MAP4K3: variants seen among roughly 807,000 people sequenced by gnomAD.
The protein encoded by MAP4K3 is MAPK/ERK kinase kinase kinase 3.
Under a neutral mutation model 143.5 loss-of-function variants are expected in MAP4K3, and 94 were observed. The observed-to-expected ratio is 0.65, with a 90% CI of 0.55 to 0.78. The LOEUF is 0.78. MAP4K3 is among the 30% of genes least tolerant of loss of function. The pLI, the probability that MAP4K3 is intolerant of heterozygous loss-of-function variation, is 0.00. For synonymous variants in MAP4K3, 416 were observed against 347.2 expected (o/e 1.20, Z -2.20); for missense variants, 1,077 against 1,068.1 (o/e 1.01, Z -0.12).
At chr2:39,305,990 A>G (rs896182499) in intron 15 of MAP4K3, among the ~76,000 whole-genome samples, 1 of 152,016 alleles carries the variant, frequency 6.6e-6, no homozygotes. Flanking sequence ...CACCATGCCT[A>G]GCTAATTTTT....
intron 22 of MAP4K3, 98 bp from the exon 23 acceptor site, chr2:39,280,454 G>C (rs1334115315): frequency 3.9e-6 from 2 of 512,616 alleles, no homozygotes; most frequent in Non-Finnish European, 6.7e-6. Context: ...AGAGTCTATA[G>C]ATAGTATACT....
At chr2:39,428,037 CTCTT>C (rs1558352564) in intron 1 of MAP4K3, among the ~76,000 whole-genome samples, 2 of 152,226 alleles carry the variant, frequency 1.3e-5, no homozygotes. Flanking sequence ...TCAAGATTCA[CTCTT>C]TCAGGAAGTC....
chr2:39,292,420 AC>A (rs984803764), intron 18 of MAP4K3, among the ~76,000 whole-genome samples: 24 of 152,144 alleles, frequency 1.6e-4, no homozygotes, highest in African/African-American at 5.8e-4. Flanking sequence ...GATCACTCTT[AC>A]CCCTGATCCC....
intron 15 of MAP4K3, among the ~76,000 whole-genome samples, chr2:39,303,504 T>G (rs1472093305): frequency 6.6e-6 from 1 of 152,132 alleles, no homozygotes; most frequent in African/African-American, 2.4e-5. Context: ...ACTATTTATT[T>G]ATGCCCCTAC....
intron 2 of MAP4K3, among the ~76,000 whole-genome samples, chr2:39,358,309 C>A (rs1326829039): frequency 6.6e-6 from 1 of 152,152 alleles, no homozygotes; most frequent in Non-Finnish European, 1.5e-5. Flanking sequence ...ATGTCTTCAT[C>A]ATCTTTGTAC....
intron 1 of MAP4K3, among the ~76,000 whole-genome samples, chr2:39,423,850 G>T (rs1332954316): frequency 1.3e-5 from 2 of 152,214 alleles, no homozygotes; most frequent in African/African-American, 4.8e-5. Flanking sequence ...GGAAACATTT[G>T]TCAAAAGCAC....
intron 3 of MAP4K3, among the ~76,000 whole-genome samples, chr2:39,352,282 C>T (rs553106459): frequency 5.3e-5 from 8 of 152,202 alleles, no homozygotes; most frequent in Admixed American, 2.6e-4. Flanking sequence ...CAGAGCCAGA[C>T]TCTGTATCAA....
At chr2:39,323,589 T>C (rs898761236) in intron 12 of MAP4K3, 3 of 152,222 alleles carry the variant, frequency 2.0e-5, no homozygotes. Flanking sequence ...TAAACTTTAT[T>C]GGTAGCCTTT....
At chr2:39,418,705 C>A (rs545184802) in intron 1 of MAP4K3, among the ~76,000 whole-genome samples, 1 of 151,878 alleles carries the variant, frequency 6.6e-6, no homozygotes, top group East Asian at 1.9e-4. Context: ...TCCCTAGAAT[C>A]TATAACCGCA....
chr2:39,415,980 A>AATATATATATATATATATATATAT (rs1553318574), intron 1 of MAP4K3, among the ~76,000 whole-genome samples: 10 of 14,750 alleles, frequency 6.8e-4, no homozygotes, highest in Admixed American at 1.4e-3. Context: ...AAAAAAAAAA[A>AATATATATATATATATATATATAT]ATATATATAT....
chr2:39,325,108 G>A (rs1219756663), intron 12 of MAP4K3, among the ~76,000 whole-genome samples: 1 of 152,060 alleles, frequency 6.6e-6, no homozygotes, highest in Non-Finnish European at 1.5e-5. Context: ...TGAGCCACCA[G>A]GCCAAACTGA....
intron 28 of MAP4K3, among the ~76,000 whole-genome samples, chr2:39,261,284 TATCAA>T (rs1680556680): frequency 6.6e-6 from 1 of 152,044 alleles, no homozygotes; most frequent in African/African-American, 2.4e-5. Context: ...AAGTGATTTT[TATCAA>T]ATCAACTCAG....
chr2:39,334,024 G>A (rs1185170775), intron 6 of MAP4K3, among the ~76,000 whole-genome samples: 1 of 145,778 alleles, frequency 6.9e-6, no homozygotes, highest in East Asian at 2.1e-4. Context: ...TCCCTTTCTA[G>A]GAACTCACCA....
intron 1 of MAP4K3, among the ~76,000 whole-genome samples, chr2:39,392,328 A>C (rs766977490): frequency 6.6e-6 from 1 of 152,170 alleles, no homozygotes; most frequent in Non-Finnish European, 1.5e-5. Flanking sequence ...CATATTTTTT[A>C]ATTCAAAAAA....
chr2:39,313,662 A>G (rs1683018617), intron 13 of MAP4K3, among the ~76,000 whole-genome samples: 1 of 151,998 alleles, frequency 6.6e-6, no homozygotes, highest in Non-Finnish European at 1.5e-5. Context: ...ACAGGCACAC[A>G]CCAACAGGCC....
chr2:39,286,874 C>T lies in MAP4K3; in HGVS notation c.1565G>A (p.Arg522Lys). The change falls in exon 21 of 34, where the codon AGA becomes AAA. Residue 522 changes from arginine (R) to lysine (K), a missense_variant. Arg to Lys is a conservative substitution (Grantham distance 26). This residue lies in a region of MAP4K3 where 864 missense variants were observed against 801.2 expected (regional missense o/e 1.08). Transcript: ENST00000263881. The stretch of plus-strand genomic sequence containing the variant: ...TACTGGTACATCTTTCTTTTCTTTT[C>T]TTGAAAGGTTTGTGCCTCTATGTTC... Reference protein sequence around the residue: ...QNEHRGTNLSRKEKKDVPKPI... With the variant: ...QNEHRGTNLSKKEKKDVPKPI... 6 of 1,605,892 alleles carry T rather than the reference C, an allele frequency of 3.7e-6. No individual in the cohort carries two copies. Among genetic ancestry groups the T allele is most frequent in the Non-Finnish European group, 5.1e-6 (6 of 1,177,882 alleles).
At chr2:39,267,425 C>A (rs11124669) in intron 26 of MAP4K3, 178 bp from the exon 27 acceptor site, 441,343 of 566,842 alleles carry the variant, frequency 0.78, 178,617 homozygotes, top group Non-Finnish European at 0.85. Flanking sequence ...GTAATCCCAG[C>A]ACTTTGGGAG....
At chr2:39,420,519 T>C (rs772766749) in intron 1 of MAP4K3, among the ~76,000 whole-genome samples, 1 of 151,742 alleles carries the variant, frequency 6.6e-6, no homozygotes, top group Non-Finnish European at 1.5e-5. Context: ...TGGGCTCAAG[T>C]GATGTTCCTG....
At chr2:39,436,700 G>A (rs952779509) in intron 1 of MAP4K3, 192 bp downstream of exon 1, 3 of 588,088 alleles carry the variant, frequency 5.1e-6, no homozygotes, top group East Asian at 2.9e-5. Flanking sequence ...TAAGGGCTGG[G>A]GAGGTCTCGG....
Sources: gnomAD v4.1 joint callset for allele counts (sites outside exome capture counted in the v4.1 genomes callset) on GRCh38, gnomAD v4.1.1 for gene constraint, gnomAD v4.1.1 regional missense constraint, MANE v1.5 for transcripts, NCBI Gene and HGNC (gene_info 2026-07-23, HGNC 2026-07-21) for gene names.